The following KIF21A variants were observed in gnomAD, a reference collection of about 807,000 sequenced individuals.
The protein encoded by KIF21A is kinesin-like protein KIF21A.
In KIF21A, 114 loss-of-function variants were observed where a neutral mutation model predicts 202.9. The observed-to-expected ratio is 0.56, with a 90% CI of 0.48 to 0.66. KIF21A has a LOEUF of 0.66. Among genes scored for constraint, KIF21A ranks in the 30% least tolerant of loss-of-function variants. KIF21A has a pLI of 0.00. For missense variants in KIF21A, 1,677 were observed against 1,994.9 expected (o/e 0.84, Z 3.04); for synonymous variants, 667 against 670.8 (o/e 0.99, Z 0.09).
At chr12:39,343,233 A>G (rs1368939536) in intron 12 of KIF21A, among the ~76,000 whole-genome samples, 2 of 152,038 alleles carry the variant, frequency 1.3e-5, no homozygotes, top group African/African-American at 4.8e-5. Flanking sequence ...AGTGACGCAC[A>G]CTTGTAATCC....
intron 10 of KIF21A, among the ~76,000 whole-genome samples, chr12:39,355,568 T>A (rs569666760): frequency 5.3e-5 from 8 of 151,312 alleles, no homozygotes; most frequent in African/African-American, 7.3e-5. Flanking sequence ...GAAAGACTGG[T>A]CAAAGAACAA....
chr12:39,404,991 TA>T (rs1168149874), intron 1 of KIF21A, among the ~76,000 whole-genome samples: 2 of 151,624 alleles, frequency 1.3e-5, no homozygotes, highest in African/African-American at 4.9e-5. Flanking sequence ...TTTTTCAAAC[TA>T]AAAAAATATA....
chr12:39,311,373 A>C (rs7964092), intron 32 of KIF21A, 44 bp downstream of exon 32: 2 of 1,472,382 alleles, frequency 1.4e-6, no homozygotes, highest in East Asian at 4.6e-5. Context: ...AATTTTTTTT[A>C]AAAAAAAAGC....
intron 12 of KIF21A, among the ~76,000 whole-genome samples, chr12:39,342,693 A>C (rs1565872483): frequency 6.6e-6 from 1 of 152,144 alleles, no homozygotes; most frequent in Non-Finnish European, 1.5e-5. Context: ...CCCGTACAGC[A>C]CAAGGCTACT....
In KIF21A at chr12:39,369,730, T is replaced by C; in HGVS notation, c.449A>G (p.Glu150Gly). The C allele has an allele frequency of 6.2e-7, 1 of 1,610,930 alleles. No homozygotes were observed. The highest frequency in any genetic ancestry group is 1.7e-5 in the Admixed American group (1 of 59,898). ...PDFKVNAQFLELYNEEVLDLF... is the reference protein window; with the variant it reads ...PDFKVNAQFLGLYNEEVLDLF... ...TTAATGCCAAAATTGGATTATTACC[T>C]CTAAGAATTGGGCATTCACTTTAAA... The change falls in exon 3 of 38, where the codon GAG becomes GGG. Residue 150 changes from glutamate to glycine, a missense_variant and splice_region_variant. Transcript: ENST00000361418.
chr12:39,432,841 C>T (rs1295720150), intron 1 of KIF21A, among the ~76,000 whole-genome samples: 1 of 152,036 alleles, frequency 6.6e-6, no homozygotes, highest in African/African-American at 2.4e-5. Flanking sequence ...AGACTTCTGA[C>T]CTCAAGTGAT....
At chr12:39,424,337 G>C (rs1954581496) in intron 1 of KIF21A, among the ~76,000 whole-genome samples, 1 of 151,858 alleles carries the variant, frequency 6.6e-6, no homozygotes, top group Non-Finnish European at 1.5e-5. Context: ...TTCTCTTCTT[G>C]GCCTATAAAT....
At chr12:39,371,666 G>C (rs540149030) in intron 1 of KIF21A, among the ~76,000 whole-genome samples, 1 of 152,044 alleles carries the variant, frequency 6.6e-6, no homozygotes, top group Non-Finnish European at 1.5e-5. Context: ...ATGAGGCCAG[G>C]CACAGTAACA....
chr12:39,388,734 T>C (rs79725531), intron 1 of KIF21A, among the ~76,000 whole-genome samples: 10,282 of 152,304 alleles, frequency 0.068, 536 homozygotes, highest in South Asian at 0.28. Flanking sequence ...TGTAAAGATA[T>C]ATCTCTAGAA....
At chr12:39,440,189 T>G (rs903778293) in intron 1 of KIF21A, among the ~76,000 whole-genome samples, 4 of 152,180 alleles carry the variant, frequency 2.6e-5, no homozygotes, top group Non-Finnish European at 1.5e-5. Context: ...GAATAACCTG[T>G]GAAAGCCACT....
intron 1 of KIF21A, among the ~76,000 whole-genome samples, chr12:39,384,583 C>CT (rs901144866): frequency 5.9e-5 from 9 of 152,126 alleles, no homozygotes; most frequent in Non-Finnish European, 1.3e-4. Context: ...GTATATAGGG[C>CT]TTTTTTTCCC....
rs1373251381 is a variant in KIF21A, at chr12:39,325,698, A to G, written c.3456+141T>C. ...ACCACTTAAAGGGAAATATGATTAA[A>G]AAAACTAAATAAAGAAGAGCTTTAG... On this transcript the variant is annotated intron_variant, in intron 26 of 37. Coordinates refer to ENST00000361418, the MANE Select transcript of KIF21A (RefSeq NM_001173464.2). The G allele has an allele frequency of 9.1e-6, 6 of 655,994 alleles. No homozygotes were observed. In the East Asian group the frequency reaches 1.6e-4, roughly 18 times the overall value. The allele number at this position is 655,994 out of a possible 1,614,324, so 40.6% of individuals were successfully genotyped here. A position where few individuals can be genotyped will look rare whatever the true frequency, so the allele number is the denominator to read the frequency against.
At chr12:39,431,693 A>C (rs1421599714) in intron 1 of KIF21A, among the ~76,000 whole-genome samples, 3 of 152,238 alleles carry the variant, frequency 2.0e-5, no homozygotes, top group Non-Finnish European at 4.4e-5. Context: ...CACTTGTGAA[A>C]AATTATGATT....
chr12:39,405,069 G>C (rs992907271), intron 1 of KIF21A, among the ~76,000 whole-genome samples: 7 of 151,982 alleles, frequency 4.6e-5, no homozygotes, highest in Non-Finnish European at 7.4e-5. Flanking sequence ...AAATATACTT[G>C]AAGGCCAGGC....
At chr12:39,418,642 C>A (rs896052910) in intron 1 of KIF21A, among the ~76,000 whole-genome samples, 1 of 152,156 alleles carries the variant, frequency 6.6e-6, no homozygotes. Flanking sequence ...CAAGCTTCTA[C>A]AGTAGCATCA....
At chr12:39,329,446 G>A (rs1946295230) in intron 24 of KIF21A, among the ~76,000 whole-genome samples, 1 of 152,104 alleles carries the variant, frequency 6.6e-6, no homozygotes, top group Non-Finnish European at 1.5e-5. Context: ...GAAGGAGGAG[G>A]AGAACAAGAA....
intron 29 of KIF21A, among the ~76,000 whole-genome samples, chr12:39,316,826 T>C (rs1397426487): frequency 6.6e-6 from 1 of 152,150 alleles, no homozygotes; most frequent in Non-Finnish European, 1.5e-5. Context: ...TTTTAGTTTA[T>C]AGAGATGACA....
At chr12:39,428,097 T>A (rs535763074) in intron 1 of KIF21A, among the ~76,000 whole-genome samples, 7 of 152,248 alleles carry the variant, frequency 4.6e-5, no homozygotes, top group African/African-American at 1.7e-4. Context: ...AGTCTAGTCC[T>A]ACTATTGTGT....
intron 1 of KIF21A, among the ~76,000 whole-genome samples, chr12:39,405,346 C>A (rs1202099507): frequency 3.3e-5 from 5 of 151,448 alleles, no homozygotes; most frequent in Non-Finnish European, 7.4e-5. Flanking sequence ...GAGCAAAACT[C>A]CATCAAAAAA....
Sources: allele counts gnomAD v4.1 joint callset (sites outside exome capture counted in the v4.1 genomes callset), GRCh38; gene constraint gnomAD v4.1.1; transcripts MANE v1.5; gene names NCBI Gene and HGNC (gene_info 2026-07-23, HGNC 2026-07-21).